The following CDH8 variants were observed in gnomAD, a reference collection of about 807,000 sequenced individuals.
CDH8 encodes the protein cadherin 8, also known as cadherin-8.
In CDH8, 17 loss-of-function variants were observed where a neutral mutation model predicts 68.1. The observed-to-expected ratio is 0.25, with a 90% CI of 0.17 to 0.37. The LOEUF (loss-of-function observed/expected upper bound fraction) is 0.37. CDH8 is among the 10% of genes least tolerant of loss of function. The pLI is 1.00. For synonymous variants in CDH8, 372 were observed against 365.1 expected, an observed-to-expected ratio of 1.02 and a Z score of -0.21; for missense variants, 763 against 999.3, an observed-to-expected ratio of 0.76 and a Z score of 3.19.
intron 1 of CDH8, among the ~76,000 whole-genome samples, chr16:62,030,345 T>C (rs918825450): frequency 1.3e-5 from 2 of 152,170 alleles, no homozygotes; most frequent in South Asian, 4.1e-4. Flanking sequence ...GTTTTAACCC[T>C]CTGATAAAAA....
chr16:61,976,955 A>T (rs1965445954), intron 2 of CDH8, among the ~76,000 whole-genome samples: 1 of 152,200 alleles, frequency 6.6e-6, no homozygotes, highest in African/African-American at 2.4e-5. Flanking sequence ...GCAGACATCC[A>T]GTATAAATAT....
At chr16:61,788,262 A>C (rs1054556783) in intron 8 of CDH8, among the ~76,000 whole-genome samples, 5 of 152,122 alleles carry the variant, frequency 3.3e-5, no homozygotes, top group Non-Finnish European at 5.9e-5. Flanking sequence ...CAAAGTAATC[A>C]TTTTTCACAG....
intron 3 of CDH8, 78 bp downstream of exon 3, chr16:61,901,101 G>T: frequency 1.6e-6 from 2 of 1,281,876 alleles, no homozygotes; most frequent in Non-Finnish European, 2.2e-6. Flanking sequence ...CTTTCATTCA[G>T]CAATACACCA....
At chr16:61,824,685 G>A (rs1962290305) in intron 5 of CDH8, among the ~76,000 whole-genome samples, 1 of 151,836 alleles carries the variant, frequency 6.6e-6, no homozygotes, top group Non-Finnish European at 1.5e-5. Context: ...GCTAATAATA[G>A]AGCAATATCT....
intron 4 of CDH8, among the ~76,000 whole-genome samples, chr16:61,833,566 A>G (rs1205123784): frequency 6.6e-6 from 1 of 151,938 alleles, no homozygotes; most frequent in Non-Finnish European, 1.5e-5. Context: ...TAATGCTTCC[A>G]CAGTGATTTC....
chr16:61,881,187 T>C (rs1963571324), intron 3 of CDH8, among the ~76,000 whole-genome samples: 1 of 152,074 alleles, frequency 6.6e-6, no homozygotes. Flanking sequence ...AGATAATAAG[T>C]GTGTGTTGTT....
intron 2 of CDH8, among the ~76,000 whole-genome samples, chr16:61,934,379 CTAGTTAGTGTAAATTGAGGA>C (rs1964594725): frequency 6.6e-6 from 1 of 152,022 alleles, no homozygotes; most frequent in Non-Finnish European, 1.5e-5. Context: ...TAATTCTATG[CTAGTTAGTGTAAATTGAGGA>C]ACAGAAACAA....
intron 2 of CDH8, among the ~76,000 whole-genome samples, chr16:61,974,790 G>A (rs1398451084): frequency 6.6e-6 from 1 of 152,136 alleles, no homozygotes; most frequent in Non-Finnish European, 1.5e-5. Flanking sequence ...AGATTGGAGT[G>A]AGAGCTCTCA....
At chr16:61,765,928 G>A (rs1261772487) in intron 8 of CDH8, among the ~76,000 whole-genome samples, 1 of 151,978 alleles carries the variant, frequency 6.6e-6, no homozygotes, top group East Asian at 1.9e-4. Context: ...CCAGGTGCTA[G>A]CTCAGTGACC....
At chr16:61,921,704 A>C (rs1964370933) in intron 2 of CDH8, among the ~76,000 whole-genome samples, 1 of 152,190 alleles carries the variant, frequency 6.6e-6, no homozygotes. Context: ...CAAGTGCAAA[A>C]GAGCAGGGCA....
intron 10 of CDH8, among the ~76,000 whole-genome samples, chr16:61,700,057 C>T (rs1052926961): frequency 6.6e-6 from 1 of 152,022 alleles, no homozygotes; most frequent in African/African-American, 2.4e-5. Flanking sequence ...GTCAGTTTTT[C>T]TTTCTTAGTT....
intron 8 of CDH8, among the ~76,000 whole-genome samples, chr16:61,740,262 A>T (rs1163073754): frequency 6.6e-6 from 1 of 152,056 alleles, no homozygotes; most frequent in Non-Finnish European, 1.5e-5. Context: ...TAATAAACTA[A>T]TAATGTCAAA....
intron 8 of CDH8, among the ~76,000 whole-genome samples, chr16:61,758,295 A>C (rs1174753633): frequency 6.6e-6 from 1 of 152,198 alleles, no homozygotes; most frequent in Non-Finnish European, 1.5e-5. Flanking sequence ...AGATTCAAGG[A>C]AGAGGCAGAA....
chr16:61,817,598 A>G lies in CDH8; in HGVS notation c.1158T>C (p.Asp386=). The G allele has an allele frequency of 6.2e-7, 1 of 1,614,078 alleles. No individual in the cohort carries two copies. Among genetic ancestry groups the G allele is most frequent in the Non-Finnish European group, 8.5e-7 (1 of 1,180,002 alleles). ...TCGGTGAAGAGAAGACCGGAGGCTCATCAGCATCTTCAACCACGATTTTGA... is the reference window on the plus strand; with the variant it reads ...TCGGTGAAGAGAAGACCGGAGGCTCGTCAGCATCTTCAACCACGATTTTGA... ...ATVKIVVEDA[D]EPPVFSSPTY... The change falls in exon 7 of 12, where the codon GAT becomes GAC. Residue 386 remains aspartate (D), a synonymous_variant. Coordinates refer to ENST00000577390, the MANE Select transcript of CDH8 (RefSeq NM_001796.5).
At chr16:61,703,904 C>T (rs1020253565) in intron 10 of CDH8, among the ~76,000 whole-genome samples, 1 of 151,982 alleles carries the variant, frequency 6.6e-6, no homozygotes, top group Non-Finnish European at 1.5e-5. Flanking sequence ...CTTTCCAGTC[C>T]CATTATTAAA....
At chr16:61,785,297 A>G (rs1464030331) in intron 8 of CDH8, among the ~76,000 whole-genome samples, 2 of 99,562 alleles carry the variant, frequency 2.0e-5, no homozygotes, top group Non-Finnish European at 3.9e-5. Context: ...CCATCAGAGA[A>G]TACTACAAAC....
At chr16:61,847,475 T>C (rs1962831562) in intron 4 of CDH8, among the ~76,000 whole-genome samples, 1 of 150,244 alleles carries the variant, frequency 6.7e-6, no homozygotes, top group Non-Finnish European at 1.5e-5. Context: ...AGAGACTAAC[T>C]TTGGCTTAAA....
At chr16:61,672,897 A>T (rs1198317018) in intron 10 of CDH8, among the ~76,000 whole-genome samples, 1 of 152,118 alleles carries the variant, frequency 6.6e-6, no homozygotes, top group African/African-American at 2.4e-5. Context: ...GTGTAAATCC[A>T]TCATTCAATG....
chr16:61,738,329 A>C (rs1227807303), intron 8 of CDH8, among the ~76,000 whole-genome samples: 3 of 152,180 alleles, frequency 2.0e-5, no homozygotes, highest in Non-Finnish European at 4.4e-5. Context: ...ATTCGTCTTC[A>C]GTGAACCTGG....
Sources: gnomAD v4.1 joint callset for allele counts (sites outside exome capture counted in the v4.1 genomes callset) on GRCh38, gnomAD v4.1.1 for gene constraint, MANE v1.5 for transcripts, NCBI Gene and HGNC (gene_info 2026-07-23, HGNC 2026-07-21) for gene names.